PLCB1: variants seen among roughly 807,000 people sequenced by gnomAD.
The protein encoded by PLCB1 is phospholipase C beta 1, also known as 1-phosphatidylinositol 4,5-bisphosphate phosphodiesterase beta-1.
A neutral mutation model predicts 161.8 loss-of-function variants in PLCB1; 46 were observed. The ratio of observed to expected loss-of-function variants is 0.28; its 90% CI spans 0.22 to 0.36. The LOEUF is 0.36. PLCB1 is among the 10% of genes least tolerant of loss of function. The pLI, the probability that PLCB1 is intolerant of heterozygous loss-of-function variation, is 1.00. For synonymous variants in PLCB1, 517 were observed against 503.7 expected (o/e 1.03, Z -0.35); for missense variants, 1,016 against 1,472.5 (o/e 0.69, Z 5.07).
chr20:8,617,180 G>A (rs1325246455), intron 3 of PLCB1, among the ~76,000 whole-genome samples: 6 of 152,146 alleles, frequency 3.9e-5, no homozygotes, highest in Admixed American at 3.9e-4. Context: ...AAATGTAACT[G>A]GCAGTGTGCT....
At chr20:8,457,577 C>T (rs1331389549) in intron 3 of PLCB1, among the ~76,000 whole-genome samples, 2 of 152,140 alleles carry the variant, frequency 1.3e-5, no homozygotes, top group African/African-American at 4.8e-5. Context: ...TTATTTTAAT[C>T]AGTCGTCTAT....
chr20:8,364,415 A>G (rs1986645866), intron 2 of PLCB1, among the ~76,000 whole-genome samples: 1 of 152,170 alleles, frequency 6.6e-6, no homozygotes, highest in Non-Finnish European at 1.5e-5. Flanking sequence ...CTTTTTCCCC[A>G]ATTTATGCTA....
intron 3 of PLCB1, among the ~76,000 whole-genome samples, chr20:8,564,425 G>A (rs983700339): frequency 2.0e-5 from 3 of 152,128 alleles, no homozygotes; most frequent in African/African-American, 7.2e-5. Context: ...ATAGGCATGG[G>A]CAAAGACTTC....
chr20:8,538,929 G>A (rs1264270729), intron 3 of PLCB1, among the ~76,000 whole-genome samples: 3 of 151,998 alleles, frequency 2.0e-5, no homozygotes, highest in South Asian at 4.2e-4. Flanking sequence ...GAGTAGCTGG[G>A]ATTACAGGCG....
At chr20:8,617,935 A>G (rs1988079836) in intron 3 of PLCB1, among the ~76,000 whole-genome samples, 1 of 152,218 alleles carries the variant, frequency 6.6e-6, no homozygotes, top group Non-Finnish European at 1.5e-5. Context: ...AAATATTTGA[A>G]TAAATTAATT....
chr20:8,600,237 A>G (rs1165729142), intron 3 of PLCB1, among the ~76,000 whole-genome samples: 4,487 of 122,328 alleles, frequency 0.037, 122 homozygotes, highest in African/African-American at 0.11. Flanking sequence ...GGTTTTATCT[A>G]CTTTTGGTCT....
chr20:8,694,252 G>A (rs1220742148), intron 10 of PLCB1, among the ~76,000 whole-genome samples: 2 of 152,162 alleles, frequency 1.3e-5, no homozygotes, highest in Non-Finnish European at 2.9e-5. Flanking sequence ...AACCTAATAT[G>A]CATTCCAAGG....
chr20:8,458,414 A>T (rs1411333775), intron 3 of PLCB1, among the ~76,000 whole-genome samples: 3 of 152,194 alleles, frequency 2.0e-5, no homozygotes, highest in Non-Finnish European at 2.9e-5. Flanking sequence ...CATCTTAATC[A>T]TAAAATTCTA....
intron 22 of PLCB1, among the ~76,000 whole-genome samples, chr20:8,741,085 T>A (rs1241250733): frequency 6.6e-6 from 1 of 152,176 alleles, no homozygotes; most frequent in African/African-American, 2.4e-5. Context: ...AATAGGACAA[T>A]TGGGTGGGCC....
At position 8,744,144 on chromosome 20, in the gene PLCB1, T is replaced by A. The variant is rs113706994; in HGVS notation, c.2523+2571T>A. On this transcript the variant is annotated intron_variant, in intron 23 of 31. Coordinates refer to ENST00000338037, the MANE Select transcript of PLCB1 (RefSeq NM_015192.4). ...CACACCTATATGACAAACCCTCATG[T>A]GTACCCCTGAACCTAAAATAAAAGC... is the stretch of plus-strand genomic sequence containing the variant. Among the ~76,000 whole-genome samples, 866 of 152,184 alleles carry A rather than the reference T, an allele frequency of 5.7e-3. 6 individuals are homozygous for A. Among genetic ancestry groups the A allele is most frequent in the African/African-American group, 0.02 (825 of 41,512 alleles).
intron 2 of PLCB1, among the ~76,000 whole-genome samples, chr20:8,265,367 C>T (rs577173036): frequency 7.9e-5 from 12 of 152,100 alleles, no homozygotes; most frequent in African/African-American, 1.2e-4. Flanking sequence ...ATTCCACAAG[C>T]GAATGGCGAA....
intron 2 of PLCB1, among the ~76,000 whole-genome samples, chr20:8,364,199 G>C (rs1986633431): frequency 6.6e-6 from 1 of 152,136 alleles, no homozygotes; most frequent in South Asian, 2.1e-4. Context: ...CCAGACCTTG[G>C]TGGATTCCTT....
At chr20:8,199,248 C>T (rs2052063720) in intron 2 of PLCB1, among the ~76,000 whole-genome samples, 1 of 152,010 alleles carries the variant, frequency 6.6e-6, no homozygotes, top group Non-Finnish European at 1.5e-5. Context: ...GGAAATTTCG[C>T]CATTGTCGGC....
chr20:8,673,552 G>A lies in PLCB1; in HGVS notation c.863-11380G>A, dbSNP rs182984882. Among the ~76,000 whole-genome samples the A allele has an allele frequency of 9.3e-4, 142 of 152,254 alleles. No homozygotes were observed. In the East Asian group the frequency reaches 0.015, roughly 16 times the overall value. The stretch of plus-strand genomic sequence containing the variant: ...CATATTTGTTGGACTTCAGGGTACC[G>A]TTAGTCAGTGCCAGCGAGGCCTCTT... On this transcript the variant is annotated intron_variant, in intron 9 of 31. Transcript: ENST00000338037.
chr20:8,567,438 C>T (rs1986371807), intron 3 of PLCB1, among the ~76,000 whole-genome samples: 1 of 152,024 alleles, frequency 6.6e-6, no homozygotes, highest in South Asian at 2.1e-4. Flanking sequence ...GTGGACAACC[C>T]AATGCCTGGG....
intron 10 of PLCB1, 61 bp downstream of exon 10, chr20:8,685,139 C>G: frequency 1.3e-6 from 2 of 1,485,314 alleles, no homozygotes; most frequent in South Asian, 1.1e-5. Context: ...CCAACCTCTA[C>G]TTTCTGTTGT....
At chr20:8,780,682 C>G (rs1230545766) in intron 27 of PLCB1, among the ~76,000 whole-genome samples, 1 of 152,144 alleles carries the variant, frequency 6.6e-6, no homozygotes, top group Non-Finnish European at 1.5e-5. Flanking sequence ...ACCGCAAGCT[C>G]TGGGCAGATA....
chr20:8,403,963 A>G (rs1208488579), intron 3 of PLCB1, among the ~76,000 whole-genome samples: 1 of 152,188 alleles, frequency 6.6e-6, no homozygotes, highest in Admixed American at 6.5e-5. Flanking sequence ...ATTTGTCTAT[A>G]ATGTCCTTTA....
intron 2 of PLCB1, among the ~76,000 whole-genome samples, chr20:8,354,623 A>G (rs1341583425): frequency 1.3e-5 from 2 of 152,206 alleles, no homozygotes; most frequent in Admixed American, 1.3e-4. Flanking sequence ...CAAAAAGTGG[A>G]GGCTCTGATA....
Sources: gnomAD v4.1 joint callset for allele counts (sites outside exome capture counted in the v4.1 genomes callset) on GRCh38, gnomAD v4.1.1 for gene constraint, MANE v1.5 for transcripts, NCBI Gene and HGNC (gene_info 2026-07-23, HGNC 2026-07-21) for gene names.